The following TEX11 variants were observed in gnomAD, a reference collection of about 807,000 sequenced individuals.
The protein encoded by TEX11 is testis-expressed protein 11.
Under a neutral mutation model 84.4 loss-of-function variants are expected in TEX11, and 7 were observed. That is an observed-to-expected ratio of 0.08 (90% CI 0.05 to 0.16). The LOEUF (loss-of-function observed/expected upper bound fraction) is 0.16, where lower values mean the gene tolerates loss of function less well. TEX11 is among the 10% of genes least tolerant of loss of function. The pLI, the probability that TEX11 is intolerant of heterozygous loss-of-function variation, is 1.00. For missense variants in TEX11, 551 were observed against 660.5 expected (o/e 0.83, Z 1.82); for synonymous variants, 264 against 222.8 (o/e 1.18, Z -1.64).
At chrX:70,887,122 G>A (rs2091713291) in intron 2 of TEX11, among the ~76,000 whole-genome samples, 1 of 111,766 alleles carries the variant, frequency 8.9e-6, no homozygotes, top group Admixed American at 9.5e-5. Flanking sequence ...ATCCTACCAG[G>A]TCTGTATCCT....
intron 20 of TEX11, among the ~76,000 whole-genome samples, chrX:70,621,319 G>A (rs1351076374): frequency 1.9e-5 from 2 of 104,738 alleles, no homozygotes. Flanking sequence ...TCAGGAGTTT[G>A]AGACTAGCCT....
At chrX:70,656,541 A>G (rs996427249) in intron 16 of TEX11, among the ~76,000 whole-genome samples, 1 of 112,055 alleles carries the variant, frequency 8.9e-6, no homozygotes, top group African/African-American at 3.2e-5. Flanking sequence ...TGGCAAAACC[A>G]AAAACCACAG....
chrX:70,753,481 A>C (rs1007580433), intron 9 of TEX11, among the ~76,000 whole-genome samples: 4 of 110,291 alleles, frequency 3.6e-5, no homozygotes, highest in Admixed American at 9.7e-5. Flanking sequence ...TTTTCTAAAC[A>C]AATCCTGGGC....
intron 9 of TEX11, among the ~76,000 whole-genome samples, chrX:70,747,792 A>G (rs1425904611): frequency 2.7e-5 from 3 of 111,504 alleles, no homozygotes; most frequent in Non-Finnish European, 3.8e-5. Flanking sequence ...TTTAAGTTCT[A>G]GGGTACATGT....
chrX:70,535,747 C>CA (rs1392675959), intron 28 of TEX11, among the ~76,000 whole-genome samples: 7 of 103,474 alleles, frequency 6.8e-5, no homozygotes, highest in Admixed American at 2.1e-4. Flanking sequence ...AACTCCATTT[C>CA]AAAAAAAAAC....
intron 4 of TEX11, among the ~76,000 whole-genome samples, chrX:70,872,236 C>T (rs188631696): frequency 8.9e-6 from 1 of 111,964 alleles, no homozygotes; most frequent in East Asian, 2.8e-4. Context: ...ATCTGAGGCT[C>T]CTGGGAGCAA....
intron 16 of TEX11, among the ~76,000 whole-genome samples, chrX:70,661,730 G>C (rs907199050): frequency 1.9e-4 from 21 of 111,595 alleles, no homozygotes; most frequent in African/African-American, 6.9e-4. Flanking sequence ...CTGTTCTGCA[G>C]CCTCCGCTCT....
In TEX11 at chrX:70,726,705, AT is replaced by A. The variant is rs1215511698; in HGVS notation, c.844-1363del. On this transcript the variant is annotated intron_variant, in intron 11 of 29. Coordinates refer to ENST00000374333, the MANE Select transcript of TEX11 (RefSeq NM_031276.3). ...TCTACCACATCTGGCTCATTTTTGT[AT>A]TTTTAGTAGAGACGAGGTTTCACCA... 1.0e-4 allele frequency among the ~76,000 whole-genome samples: 11 copies of A among 109,425 alleles called. 1 individual carries two copies. The Admixed American group carries it at 1.1e-3, about 11-fold the overall frequency.
chrX:70,882,144 G>C (rs1048827469), intron 2 of TEX11, among the ~76,000 whole-genome samples: 2 of 110,630 alleles, frequency 1.8e-5, no homozygotes, highest in Non-Finnish European at 3.8e-5. Context: ...TCTAAGATTA[G>C]GTAAGTATTG....
chrX:70,838,484 A>T (rs1385264189), intron 7 of TEX11, among the ~76,000 whole-genome samples: 3 of 112,396 alleles, frequency 2.7e-5, no homozygotes, highest in Non-Finnish European at 5.6e-5. Context: ...TCATCAGAAA[A>T]GACTAAGTAT....
intron 9 of TEX11, among the ~76,000 whole-genome samples, chrX:70,772,988 T>C (rs995095942): frequency 9.1e-6 from 1 of 110,209 alleles, no homozygotes; most frequent in Non-Finnish European, 1.9e-5. Flanking sequence ...CTATGGAATT[T>C]ATGGGACTCC....
At chrX:70,813,333 A>G (rs1207258673) in intron 8 of TEX11, among the ~76,000 whole-genome samples, 26 of 111,861 alleles carry the variant, frequency 2.3e-4, no homozygotes, top group African/African-American at 8.4e-4. Context: ...TATAAACAGA[A>G]CCAAAGACAA....
rs186241158 is a variant in TEX11 at position 70,756,127 on chromosome X, G to A, written c.693-11908C>T. On this transcript the variant is annotated intron_variant, in intron 9 of 29. Transcript: ENST00000374333. ...GGCCAGGAAGCTCGAACTGGGCGGA[G>A]CCCACTGCAGCTCAGCAAGGCCTAC... Among the ~76,000 whole-genome samples, 406 of 112,621 alleles carry A rather than the reference G, an allele frequency of 3.6e-3. 2 individuals carry two copies. Among genetic ancestry groups the A allele is most frequent in the African/African-American group, 9.3e-3 (289 of 31,094 alleles).
intron 16 of TEX11, among the ~76,000 whole-genome samples, chrX:70,663,393 T>C (rs1276958043): frequency 8.9e-6 from 1 of 112,173 alleles, no homozygotes; most frequent in Non-Finnish European, 1.9e-5. Flanking sequence ...GAAACACTCA[T>C]GAAATAAATT....
At chrX:70,552,369 C>T (rs2088227475) in intron 27 of TEX11, 123 bp from the exon 28 acceptor site, 10 of 865,309 alleles carry the variant, frequency 1.2e-5, no homozygotes, top group Non-Finnish European at 1.1e-5. Flanking sequence ...GTTCTTCCCT[C>T]GGTTTTATCT....
intron 8 of TEX11, 63 bp downstream of exon 8, chrX:70,833,450 G>C: frequency 1.0e-6 from 1 of 954,089 alleles, no homozygotes; most frequent in Non-Finnish European, 1.5e-6. Flanking sequence ...AAGTAGTAAT[G>C]ATTCTTCCTG....
chrX:70,743,913 C>G (rs753925948), intron 10 of TEX11, among the ~76,000 whole-genome samples: 1 of 102,535 alleles, frequency 9.8e-6, no homozygotes, highest in African/African-American at 3.9e-5. Context: ...CACACACACA[C>G]AGAAAAGAAA....
intron 20 of TEX11, among the ~76,000 whole-genome samples, chrX:70,617,919 A>G (rs899376390): frequency 1.8e-5 from 2 of 112,203 alleles, no homozygotes; most frequent in Non-Finnish European, 3.8e-5. Flanking sequence ...GCTGGATTCT[A>G]TTGTCATTGG....
chrX:70,528,618 G>A (rs1479815137), downstream of TEX11, among the ~76,000 whole-genome samples: 3 of 110,228 alleles, frequency 2.7e-5, no homozygotes, highest in African/African-American at 6.6e-5. Flanking sequence ...AAGCCACTAC[G>A]CCTGGCCTGG....
Sources: gnomAD v4.1 joint callset for allele counts (sites outside exome capture counted in the v4.1 genomes callset) on GRCh38, gnomAD v4.1.1 for gene constraint, MANE v1.5 for transcripts, NCBI Gene and HGNC (gene_info 2026-07-23, HGNC 2026-07-21) for gene names.